Variants in ZNHIT2 observed in about 807,000 individuals in gnomAD.
ZNHIT2 encodes zinc finger HIT domain-containing protein 2.
A neutral mutation model predicts 18.0 loss-of-function variants in ZNHIT2; 16 were observed. That is an observed-to-expected ratio of 0.89 (90% CI 0.60 to 1.35). The LOEUF is 1.35. ZNHIT2 is among the 40% of genes most tolerant of loss of function. ZNHIT2 has a pLI of 0.00. For missense variants in ZNHIT2, 631 were observed against 566.4 expected, an observed-to-expected ratio of 1.11 and a Z score of -1.16; for synonymous variants, 336 against 269.8, an observed-to-expected ratio of 1.25 and a Z score of -2.41.
In ZNHIT2 at chr11:65,117,484, C is replaced by A. The variant is rs1383381214; in HGVS notation, c.170G>T (p.Cys57Phe). The change falls in exon 1 of 1, where the codon TGC becomes TTC. Residue 57 changes from cysteine to phenylalanine, a missense_variant. By Grantham distance (205) the Cys-to-Phe change is radical (BLOSUM62 -2). Coordinates refer to ENST00000310597, the MANE Select transcript of ZNHIT2 (RefSeq NM_014205.4). Reference sequence around the variant, plus strand: ...TGCTAGGCGGCTGGGAGGAGCGCTGCAACCGCGGAGCTCTCCCAGCACCTG... The same window carrying A: ...TGCTAGGCGGCTGGGAGGAGCGCTGAAACCGCGGAGCTCTCCCAGCACCTG... ...RDQVLGELRG[C>F]SAPPSRLASA... 16 of 1,569,486 alleles carry A rather than the reference C, an allele frequency of 1.0e-5. No homozygotes were observed. Among genetic ancestry groups the A allele is most frequent in the Non-Finnish European group, 1.4e-5 (16 of 1,167,088 alleles).
rs374889298 is a variant in ZNHIT2 at position 65,116,633 on chromosome 11, G to T, written c.1021C>A (p.Gln341Lys). 53 of 1,613,948 alleles carry T rather than the reference G, an allele frequency of 3.3e-5. No homozygotes were observed. Among genetic ancestry groups the T allele is most frequent in the Non-Finnish European group, 4.2e-5 (49 of 1,179,974 alleles). ...TCGTTGGTCCAGGCCAGGAGGAACT[G>T]GCACTTTTTCCGGGCCCGGTAAAGA... ...DHLYRARKKC[Q>K]FLLAWTNENE... Residue 341 changes from glutamine (Q) to lysine (K), a missense_variant, in exon 1 of 1, where the codon CAG (glutamine) becomes AAG (lysine). By Grantham distance (53) the Gln-to-Lys change is moderately conservative. Transcript: ENST00000310597.
In ZNHIT2 at chr11:65,117,585, AG is replaced by A; in HGVS notation, c.68del (p.Pro23LeufsTer42). 6.4e-7 allele frequency: 1 copy of A among 1,566,014 alleles called. No individual in the cohort carries two copies. ...GCGAGCAGTAGGGCGCATTACAGCGAGGGCAGGTGTAACGCGCTGGCTGGAC... is the reference window on the plus strand; with the variant it reads ...GCGAGCAGTAGGGCGCATTACAGCGAGGCAGGTGTAACGCGCTGGCTGGAC... ...GEVQPARYTC[P>X]RCNAPYCSLR... On this transcript the variant is annotated frameshift_variant, in exon 1 of 1. Coordinates refer to ENST00000310597, the MANE Select transcript of ZNHIT2 (RefSeq NM_014205.4). LOFTEE classifies it high-confidence loss of function.
chr11:65,117,636 G>A lies in ZNHIT2; in HGVS notation c.18C>T (p.Pro6=). The change falls in exon 1 of 1, where the codon CCC becomes CCT. Residue 6 remains proline, a synonymous_variant. Coordinates refer to ENST00000310597, the MANE Select transcript of ZNHIT2 (RefSeq NM_014205.4). MEPAG[P]CGFCPAGEVQ... ...CCTCCCCCGCCGGGCAGAAGCCACA[G>A]GGCCCGGCCGGCTCCATGGCAACTG... 1 of 1,452,026 alleles carries A rather than the reference G, an allele frequency of 6.9e-7. No individual in the cohort carries two copies. Among genetic ancestry groups the A allele is most frequent in the Non-Finnish European group, 9.0e-7 (1 of 1,106,648 alleles). The allele number at this position is 1,452,026 out of a possible 1,614,324, so 89.9% of individuals were successfully genotyped here. A position where few individuals can be genotyped will look rare whatever the true frequency, so the allele number is the denominator to read the frequency against.
rs1357623091 is a variant in ZNHIT2, at chr11:65,116,852, C to A, written c.802G>T (p.Ala268Ser). 1.9e-6 allele frequency: 3 copies of A among 1,606,060 alleles called. No individual in the cohort carries two copies. ...TGCTCGCCTGCTTCCAGCACGTGGG[C>A]TGCCGCCTGCAGGGCTTCTTCCGCA... ...ASAEEALQAA[A>S]HVLEAGEHPP... Residue 268 changes from alanine to serine, a missense_variant, in exon 1 of 1, where the codon GCC (alanine) becomes TCC (serine). Transcript: ENST00000310597.
rs1318565582 is a variant in ZNHIT2, at chr11:65,117,446, G to C, written c.208C>G (p.Arg70Gly). 1 of 1,520,490 alleles carries C rather than the reference G, an allele frequency of 6.6e-7. No homozygotes were observed. 94.2% of individuals were successfully genotyped at this position (1,520,490 alleles called of 1,614,324 possible). A position where few individuals can be genotyped will look rare whatever the true frequency, so the allele number is the denominator to read the frequency against. The change falls in exon 1 of 1, where the codon CGG (arginine) becomes GGG (glycine). Residue 70 changes from arginine (R) to glycine (G), a missense_variant. Transcript: ENST00000310597. ...PPSRLASALR[R>G]LRQQRETEDE... is the part of the protein sequence containing the mutation. ...TCGGTCTCGCGTTGCTGACGCAGCCGGCGTAGGGCGCTTGCTAGGCGGCTG... is the reference window on the plus strand; with the variant it reads ...TCGGTCTCGCGTTGCTGACGCAGCCCGCGTAGGGCGCTTGCTAGGCGGCTG...
At position 65,117,166 on chromosome 11, in the gene ZNHIT2, G is replaced by A. The variant is rs374326004; in HGVS notation, c.488C>T (p.Pro163Leu). 43 of 1,568,100 alleles carry A rather than the reference G, an allele frequency of 2.7e-5. No homozygotes were observed. In the African/African-American group the frequency reaches 3.8e-4, roughly 14 times the overall value. The change falls in exon 1 of 1, where the codon CCG (proline) becomes CTG (leucine). Residue 163 changes from proline (P) to leucine (L), a missense_variant. Pro to Leu is a moderately conservative substitution (Grantham distance 98). Coordinates refer to ENST00000310597, the MANE Select transcript of ZNHIT2 (RefSeq NM_014205.4). Reference protein sequence around the residue: ...ELELAPARTPPDSVKDASAAE... With the variant: ...ELELAPARTPLDSVKDASAAE... Reference sequence around the variant, plus strand: ...GGCGGAGGCATCTTTCACAGAATCCGGCGGGGTCCTCGCAGGGGCGAGCTC... The same window carrying A: ...GGCGGAGGCATCTTTCACAGAATCCAGCGGGGTCCTCGCAGGGGCGAGCTC...
rs748893329 is a variant in ZNHIT2 at position 65,116,480 on chromosome 11, G to C, written c.1174C>G (p.Pro392Ala). Residue 392 changes from proline to alanine, a missense_variant, in exon 1 of 1, where the codon CCT becomes GCT. By Grantham distance (27) the Pro-to-Ala change is conservative. Coordinates refer to ENST00000310597, the MANE Select transcript of ZNHIT2 (RefSeq NM_014205.4). ...TCCTCAATGAGAGTTCTTGGGGCAG[G>C]TGGCACGGGGCCTCCCCAAAGCCGC... ...LERLWGGPVP[P>A]APRTLIEELP... 1.3e-6 allele frequency: 2 copies of C among 1,516,078 alleles called. No homozygotes were observed. The highest frequency in any genetic ancestry group is 2.8e-5 in the African/African-American group (2 of 71,836). 93.9% of individuals were successfully genotyped at this position (1,516,078 alleles called of 1,614,324 possible). A position where few individuals can be genotyped will look rare whatever the true frequency, so the allele number is the denominator to read the frequency against.
At position 65,117,310 on chromosome 11, in the gene ZNHIT2, C is replaced by T. The variant is rs761222631; in HGVS notation, c.344G>A (p.Ser115Asn). Residue 115 changes from serine (S) to asparagine (N), a missense_variant, in exon 1 of 1, where the codon AGC (serine) becomes AAC (asparagine). Physicochemically the swap from Ser to Asn is conservative, Grantham distance 46 (BLOSUM62 1). Coordinates refer to ENST00000310597, the MANE Select transcript of ZNHIT2 (RefSeq NM_014205.4). ...GEKAAFERLL[S>N]RGEAGRLLPP... is the part of the protein sequence containing the mutation. ...CAGCAGCCGCCCGGCCTCACCGCGG[C>T]TCAGCAGCCGCTCGAAGGCAGCTTT... is the stretch of plus-strand genomic sequence containing the variant. 1.1e-5 allele frequency: 16 copies of T among 1,492,300 alleles called. No individual in the cohort carries two copies. The highest frequency in any genetic ancestry group is 4.8e-5 in the Admixed American group (2 of 41,994). 92.4% of individuals were successfully genotyped at this position (1,492,300 alleles called of 1,614,324 possible).
chr11:65,117,116 C>T lies in ZNHIT2; in HGVS notation c.538G>A (p.Val180Ile), dbSNP rs1443692746. 6.3e-7 allele frequency: 1 copy of T among 1,583,066 alleles called. No homozygotes were observed. The highest frequency in any genetic ancestry group is 8.6e-7 in the Non-Finnish European group (1 of 1,166,596). The change falls in exon 1 of 1, where the codon GTT (valine) becomes ATT (isoleucine). Residue 180 changes from valine (V) to isoleucine (I), a missense_variant. By Grantham distance (29) the Val-to-Ile change is conservative. Coordinates refer to ENST00000310597, the MANE Select transcript of ZNHIT2 (RefSeq NM_014205.4). ...SAAEPAAAER[V>I]LGDVPGACTP... is the part of the protein sequence containing the mutation. ...CAGGCCCCCGGGACATCTCCAAGAA[C>T]CCGCTCGGCGGCCGCGGGCTCCGCG...
rs767903789 is a variant in ZNHIT2 at position 65,116,487 on chromosome 11, G to A, written c.1167C>T (p.Pro389=). The change falls in exon 1 of 1, where the codon CCC becomes CCT. Residue 389 remains proline, a synonymous_variant. Coordinates refer to ENST00000310597, the MANE Select transcript of ZNHIT2 (RefSeq NM_014205.4). ...TGELERLWGG[P]VPPAPRTLIE... The stretch of plus-strand genomic sequence containing the variant: ...TGAGAGTTCTTGGGGCAGGTGGCAC[G>A]GGGCCTCCCCAAAGCCGCTCCAGCT... 10 of 1,517,950 alleles carry A rather than the reference G, an allele frequency of 6.6e-6. No homozygotes were observed. The highest frequency in any genetic ancestry group is 8.8e-6 in the Non-Finnish European group (10 of 1,132,176). 94.0% of individuals were successfully genotyped at this position (1,517,950 alleles called of 1,614,324 possible). A position where few individuals can be genotyped will look rare whatever the true frequency, so the allele number is the denominator to read the frequency against.
Position 65,117,243 on chromosome 11 carries a change from C to T in ZNHIT2, c.411G>A (p.Pro137=), listed in dbSNP as rs1384653968. Reference sequence around the variant, plus strand: ...CATTATCCAGCTCCTCCAGAAGCTGCGGTCCGGCTCCGCGGTTCCACCACC... The same window carrying T: ...CATTATCCAGCTCCTCCAGAAGCTGTGGTCCGGCTCCGCGGTTCCACCACC... The part of the protein sequence containing the change: ...RPWWWNRGAG[P]QLLEELDNAP... The change falls in exon 1 of 1, where the codon CCG becomes CCA. Residue 137 remains proline (P), a synonymous_variant. Coordinates refer to ENST00000310597, the MANE Select transcript of ZNHIT2 (RefSeq NM_014205.4). 6.7e-7 allele frequency: 1 copy of T among 1,500,528 alleles called. No homozygotes were observed. The highest frequency in any genetic ancestry group is 8.8e-7 in the Non-Finnish European group (1 of 1,133,440). The allele number at this position is 1,500,528 out of a possible 1,614,324, so 93.0% of individuals were successfully genotyped here.
chr11:65,117,465 G>A lies in ZNHIT2; in HGVS notation c.189C>T (p.Arg63=), dbSNP rs1449486115. The change falls in exon 1 of 1, where the codon CGC becomes CGT. Residue 63 remains arginine, a synonymous_variant. Coordinates refer to ENST00000310597, the MANE Select transcript of ZNHIT2 (RefSeq NM_014205.4). The stretch of plus-strand genomic sequence containing the variant: ...GCAGCCGGCGTAGGGCGCTTGCTAG[G>A]CGGCTGGGAGGAGCGCTGCAACCGC... ...ELRGCSAPPS[R]LASALRRLRQ... The A allele has an allele frequency of 1.1e-5, 17 of 1,545,856 alleles. No individual in the cohort carries two copies. Among genetic ancestry groups the A allele is most frequent in the East Asian group, 2.4e-5 (1 of 41,612 alleles).
Position 65,116,805 on chromosome 11 carries a change from T to G in ZNHIT2, c.849A>C (p.Thr283=). The change falls in exon 1 of 1, where the codon ACA becomes ACC. Residue 283 remains threonine, a synonymous_variant. Transcript: ENST00000310597. ...GGGCGACCTCGTGCATAGCCCCTCG[T>G]GTGCCCAGGGGCCCCGGCGGGTGCT... ...AGEHPPGPLG[T]RGAMHEVARI... 4 of 1,609,640 alleles carry G rather than the reference T, an allele frequency of 2.5e-6. No homozygotes were observed. Among genetic ancestry groups the G allele is most frequent in the Non-Finnish European group, 2.5e-6 (3 of 1,177,754 alleles).
In ZNHIT2 at chr11:65,116,799, C is replaced by T. The variant is rs762076949; in HGVS notation, c.855G>A (p.Gly285=). Residue 285 remains glycine (G), a synonymous_variant, in exon 1 of 1, where the codon GGG becomes GGA. Transcript: ENST00000310597. ...GGATGCGGGCGACCTCGTGCATAGC[C>T]CCTCGTGTGCCCAGGGGCCCCGGCG... ...EHPPGPLGTR[G]AMHEVARILL... is the part of the protein sequence containing the mutation. 9.9e-6 allele frequency: 16 copies of T among 1,609,298 alleles called. No homozygotes were observed. The highest frequency in any genetic ancestry group is 1.4e-5 in the Non-Finnish European group (16 of 1,177,560).
chr11:65,117,416 C>A lies in ZNHIT2; in HGVS notation c.238G>T (p.Glu80Ter). Residue 80 changes from glutamate to a stop codon, truncating the protein, a stop_gained, in exon 1 of 1, where the codon GAG becomes TAG. Coordinates refer to ENST00000310597, the MANE Select transcript of ZNHIT2 (RefSeq NM_014205.4). LOFTEE classifies it high-confidence loss of function. ...RLRQQRETED[E>*]PGEAGLSSGP... ...GAGCTGAGGCCTGCTTCCCCAGGCT[C>A]GTCCTCGGTCTCGCGTTGCTGACGC... 1 of 1,494,408 alleles carries A rather than the reference C, an allele frequency of 6.7e-7. No individual in the cohort carries two copies. Among genetic ancestry groups the A allele is most frequent in the South Asian group, 1.3e-5 (1 of 79,444 alleles). The allele number at this position is 1,494,408 out of a possible 1,614,324, so 92.6% of individuals were successfully genotyped here.
chr11:65,116,617 C>G lies in ZNHIT2; in HGVS notation c.1037G>C (p.Trp346Ser). ...ARKKCQFLLA[W>S]TNENEAALTP... Reference sequence around the variant, plus strand: ...GAGGGCCGCCTCATTTTCGTTGGTCCAGGCCAGGAGGAACTGGCACTTTTT... The same window carrying G: ...GAGGGCCGCCTCATTTTCGTTGGTCGAGGCCAGGAGGAACTGGCACTTTTT... The change falls in exon 1 of 1, where the codon TGG becomes TCG. Residue 346 changes from tryptophan to serine, a missense_variant. Transcript: ENST00000310597. 6.2e-7 allele frequency: 1 copy of G among 1,613,472 alleles called. No homozygotes were observed. Among genetic ancestry groups the G allele is most frequent in the East Asian group, 2.2e-5 (1 of 44,886 alleles).
chr11:65,117,449 G>T lies in ZNHIT2; in HGVS notation c.205C>A (p.Arg69Ser), dbSNP rs763219479. The T allele has an allele frequency of 8.5e-6, 13 of 1,529,214 alleles. 1 individual carries two copies. The highest frequency in any genetic ancestry group is 3.4e-4 in the Middle Eastern group (2 of 5,854). The allele number at this position is 1,529,214 out of a possible 1,614,324, so 94.7% of individuals were successfully genotyped here. A position where few individuals can be genotyped will look rare whatever the true frequency, so the allele number is the denominator to read the frequency against. The change falls in exon 1 of 1, where the codon CGC (arginine) becomes AGC (serine). Residue 69 changes from arginine to serine, a missense_variant. Arg to Ser is a moderately radical substitution (Grantham distance 110). Coordinates refer to ENST00000310597, the MANE Select transcript of ZNHIT2 (RefSeq NM_014205.4). ...GTCTCGCGTTGCTGACGCAGCCGGC[G>T]TAGGGCGCTTGCTAGGCGGCTGGGA... ...APPSRLASAL[R>S]RLRQQRETED... is the part of the protein sequence containing the mutation.
At position 65,116,418 on chromosome 11, in the gene ZNHIT2, T is replaced by G. The variant is rs1473927891; in HGVS notation, c.*24A>C. Reference sequence around the variant, plus strand: ...GCAACAGGGCTGACCAGTCACAGCTTTATTAATGACCAGGGTAACCCGTTC... The same window carrying G: ...GCAACAGGGCTGACCAGTCACAGCTGTATTAATGACCAGGGTAACCCGTTC... On this transcript the variant is annotated 3_prime_UTR_variant, in exon 1 of 1. Transcript: ENST00000310597. The G allele has an allele frequency of 6.6e-7, 1 of 1,509,276 alleles. No individual in the cohort carries two copies. Among genetic ancestry groups the G allele is most frequent in the Non-Finnish European group, 8.9e-7 (1 of 1,128,202 alleles). The allele number at this position is 1,509,276 out of a possible 1,614,324, so 93.5% of individuals were successfully genotyped here.
rs758732879 is a variant in ZNHIT2, at chr11:65,116,534, C to G, written c.1120G>C (p.Glu374Gln). The change falls in exon 1 of 1, where the codon GAG becomes CAG. Residue 374 changes from glutamate (E) to glutamine (Q), a missense_variant. Transcript: ENST00000310597. ...AGCTCCCCAGTGAGGGCGGCCACCT[C>G]CTCGGCTACCACAGCATGGGCTTGG... Reference protein sequence around the residue: ...AHQAHAVVAEEVAALTGELER... With the variant: ...AHQAHAVVAEQVAALTGELER... 1 of 1,546,334 alleles carries G rather than the reference C, an allele frequency of 6.5e-7. No individual in the cohort carries two copies. The highest frequency in any genetic ancestry group is 8.8e-7 in the Non-Finnish European group (1 of 1,141,336).
Sources: allele counts gnomAD v4.1 joint callset, GRCh38; gene constraint gnomAD v4.1.1; transcripts MANE v1.5; gene names NCBI Gene and HGNC (gene_info 2026-07-23, HGNC 2026-07-21).